WWOX: variants seen among roughly 807,000 people sequenced by gnomAD.
The protein encoded by WWOX is WW domain containing oxidoreductase, also known as WW domain-containing oxidoreductase.
Under a neutral mutation model 46.2 loss-of-function variants are expected in WWOX, and 69 were observed. The ratio of observed to expected loss-of-function variants is 1.49; its 90% CI spans 1.23 to 1.82. The LOEUF is 1.82. Among genes scored for constraint, WWOX ranks in the 40% most tolerant of loss-of-function variants. The pLI, the probability that WWOX is intolerant of heterozygous loss-of-function variation, is 0.00. For missense variants in WWOX, 919 were observed against 542.6 expected (o/e 1.69, Z -6.89); for synonymous variants, 359 against 202.6 (o/e 1.77, Z -6.56).
At chr16:78,575,022 A>T (rs8063889) in intron 8 of WWOX, among the ~76,000 whole-genome samples, 6,017 of 13,488 alleles carry the variant, frequency 0.45, 1,307 homozygotes, top group African/African-American at 0.56. Context: ...TATATATATA[A>T]ATATATATAT....
intron 8 of WWOX, among the ~76,000 whole-genome samples, chr16:78,785,722 C>T (rs1468289873): frequency 6.6e-6 from 1 of 152,134 alleles, no homozygotes; most frequent in Non-Finnish European, 1.5e-5. Flanking sequence ...TTGATATTTT[C>T]ATTTTTATTA....
chr16:78,824,194 A>C (rs111643853), intron 8 of WWOX, among the ~76,000 whole-genome samples: 2,511 of 152,126 alleles, frequency 0.017, 64 homozygotes, highest in East Asian at 0.056. Flanking sequence ...AATAACTCTC[A>C]TTTTGCTTTT....
intron 8 of WWOX, among the ~76,000 whole-genome samples, chr16:78,813,797 C>G (rs948316575): frequency 2.0e-5 from 3 of 152,182 alleles, no homozygotes; most frequent in Admixed American, 2.0e-4. Flanking sequence ...ACAGATTCAG[C>G]TCATTTTATT....
At chr16:78,827,789 C>T (rs138258661) in intron 8 of WWOX, among the ~76,000 whole-genome samples, 2,835 of 152,200 alleles carry the variant, frequency 0.019, 38 homozygotes, top group Non-Finnish European at 0.027. Context: ...TGCAGTGAGC[C>T]GAGATGGCGC....
intron 5 of WWOX, among the ~76,000 whole-genome samples, chr16:78,357,843 C>T (rs913636163): frequency 6.6e-6 from 1 of 152,170 alleles, no homozygotes; most frequent in Non-Finnish European, 1.5e-5. Context: ...ACCCAGCATC[C>T]AAATAGCTAA....
At position 78,342,827 on chromosome 16, in the gene WWOX, G is replaced by C. The variant is rs1453925541; in HGVS notation, c.517-44033G>C. ...ATTCTGCCATCAACACCGAGGTGTC[G>C]GAGTAGCAGGAGAGCCACATATTTC... is the stretch of plus-strand genomic sequence containing the variant. On this transcript the variant is annotated intron_variant, in intron 5 of 8. Transcript: ENST00000566780. 1.7e-5 allele frequency among the ~76,000 whole-genome samples: 2 copies of C among 120,310 alleles called. 1 individual carries two copies. Among genetic ancestry groups the C allele is most frequent in the Non-Finnish European group, 4.0e-5 (2 of 50,354 alleles). The allele number at this position is 120,310 out of a possible 152,430, so 78.9% of individuals were successfully genotyped here. A position where few individuals can be genotyped will look rare whatever the true frequency, so the allele number is the denominator to read the frequency against.
At chr16:79,057,226 T>C (rs193227259) in intron 8 of WWOX, among the ~76,000 whole-genome samples, 1 of 152,318 alleles carries the variant, frequency 6.6e-6, no homozygotes, top group East Asian at 1.9e-4. Context: ...CCTGGACCTC[T>C]TTTAGGATAC....
At position 79,126,886 on chromosome 16, in the gene WWOX, A is replaced by G. The variant is rs1457184470; in HGVS notation, c.1057-84722A>G. Among the ~76,000 whole-genome samples the G allele has an allele frequency of 2.0e-5, 3 of 152,304 alleles. No homozygotes were observed. In the South Asian group the frequency reaches 6.2e-4, roughly 32 times the overall value. ...TCAAAGCTGAATTTTGAGGAGGTAA[A>G]TACAGCCTCTGTGTGTAAGACAGAG... On this transcript the variant is annotated intron_variant, in intron 8 of 8. Coordinates refer to ENST00000566780, the MANE Select transcript of WWOX (RefSeq NM_016373.4).
intron 6 of WWOX, among the ~76,000 whole-genome samples, chr16:78,397,138 G>A (rs557117702): frequency 6.6e-6 from 1 of 152,200 alleles, no homozygotes; most frequent in South Asian, 2.1e-4. Context: ...TTTCACGGCT[G>A]AGAGAAGAGG....
intron 5 of WWOX, among the ~76,000 whole-genome samples, chr16:78,221,353 GAA>G (rs1309130932): frequency 6.6e-6 from 1 of 152,098 alleles, no homozygotes; most frequent in African/African-American, 2.4e-5. Flanking sequence ...GAGGAAGAAG[GAA>G]AAAGTGTAAT....
At chr16:79,137,204 T>C (rs991868432) in intron 8 of WWOX, among the ~76,000 whole-genome samples, 8 of 152,220 alleles carry the variant, frequency 5.3e-5, no homozygotes, top group Non-Finnish European at 1.0e-4. Flanking sequence ...GGTTTTATTA[T>C]GCATGCCATA....
intron 5 of WWOX, among the ~76,000 whole-genome samples, chr16:78,355,041 C>A (rs1453733589): frequency 3.3e-5 from 5 of 150,752 alleles, no homozygotes; most frequent in African/African-American, 1.2e-4. Context: ...CTGAGGCAGG[C>A]GAACTGCTTG....
rs935300611 is a variant in WWOX, at chr16:78,692,869, G to A, written c.1056+260117G>A. On this transcript the variant is annotated intron_variant, in intron 8 of 8. Transcript: ENST00000566780. ...CTGTTTTTGGTGAATAGGCCATGTT[G>A]TTTATAGTAAAAACAAACATGAATA... Among the ~76,000 whole-genome samples, 7 of 152,162 alleles carry A rather than the reference G, an allele frequency of 4.6e-5. No individual in the cohort carries two copies. In the East Asian group the frequency reaches 5.8e-4, roughly 13 times the overall value.
chr16:79,123,454 C>G (rs1284995828), intron 8 of WWOX, among the ~76,000 whole-genome samples: 3 of 152,116 alleles, frequency 2.0e-5, no homozygotes, highest in African/African-American at 2.4e-5. Flanking sequence ...TGTTGAGACT[C>G]TTTTTCCTGC....
chr16:78,340,897 C>G lies in WWOX; in HGVS notation c.517-45963C>G, dbSNP rs1034681663. 1.2e-4 allele frequency among the ~76,000 whole-genome samples: 14 copies of G among 118,946 alleles called. 6 individuals carry two copies. Among genetic ancestry groups the G allele is most frequent in the Non-Finnish European group, 1.2e-4 (6 of 50,106 alleles). The allele number at this position is 118,946 out of a possible 152,430, so 78.0% of individuals were successfully genotyped here. A position where few individuals can be genotyped will look rare whatever the true frequency, so the allele number is the denominator to read the frequency against. On this transcript the variant is annotated intron_variant, in intron 5 of 8. Transcript: ENST00000566780. The stretch of plus-strand genomic sequence containing the variant: ...GTTTATGTTCTCTTCTGATAATAAA[C>G]TTCTGTCATTTTTCTGGAGTTATGA...
At chr16:78,614,927 T>C (rs987171362) in intron 8 of WWOX, among the ~76,000 whole-genome samples, 6 of 152,202 alleles carry the variant, frequency 3.9e-5, no homozygotes, top group Admixed American at 1.3e-4. Context: ...TCCTTTTCCA[T>C]AGCTCTTTGT....
chr16:78,452,888 T>A (rs950365510), intron 8 of WWOX, among the ~76,000 whole-genome samples: 4 of 151,486 alleles, frequency 2.6e-5, no homozygotes, highest in East Asian at 2.0e-4. Context: ...TATACATATT[T>A]TTGAGAGGGA....
At chr16:78,472,894 A>G (rs1269664740) in intron 8 of WWOX, among the ~76,000 whole-genome samples, 3 of 151,554 alleles carry the variant, frequency 2.0e-5, no homozygotes, top group Non-Finnish European at 4.4e-5. Context: ...AGATGGGATT[A>G]CTGCGCCACT....
intron 4 of WWOX, among the ~76,000 whole-genome samples, chr16:78,117,878 C>T (rs567273255): frequency 2.4e-4 from 36 of 152,210 alleles, no homozygotes; most frequent in African/African-American, 7.7e-4. Flanking sequence ...ATCTTTAACC[C>T]TGTGAATGTC....
Sources: gnomAD v4.1 joint callset for allele counts (sites outside exome capture counted in the v4.1 genomes callset) on GRCh38, gnomAD v4.1.1 for gene constraint, MANE v1.5 for transcripts, NCBI Gene and HGNC (gene_info 2026-07-23, HGNC 2026-07-21) for gene names.